ABI2: variants seen among roughly 807,000 people sequenced by gnomAD.
ABI2 encodes abelson interactor 2.
ABI2 carries 25 observed loss-of-function variants against 59.2 expected under a neutral mutation model. That is an observed-to-expected ratio of 0.42 (90% confidence interval 0.31 to 0.59). ABI2 has a LOEUF of 0.59. Among genes scored for constraint, ABI2 ranks in the 20% least tolerant of loss-of-function variants. The pLI, the probability that ABI2 is intolerant of heterozygous loss-of-function variation, is 0.14. For synonymous variants in ABI2, 213 were observed against 235.5 expected (o/e 0.90, Z 0.87); for missense variants, 545 against 681.8 (o/e 0.80, Z 2.23).
Position 203,328,586 on chromosome 2 carries a change from A to G in ABI2, c.72A>G (p.Thr24=). The change falls in exon 1 of 12, where the codon ACA becomes ACG. Residue 24 remains threonine (T), a synonymous_variant. Coordinates refer to ENST00000261018, the MANE Select transcript of ABI2 (RefSeq NM_001375670.1). ...GGRRALFDSY[T]NLERVADYCE... is the part of the protein sequence containing the mutation. ...GCCGGGCCCTCTTCGACAGCTACAC[A>G]AATCTGGAACGGGTGGCCGATTACT... The G allele has an allele frequency of 6.2e-7, 1 of 1,604,788 alleles. No individual in the cohort carries two copies. The highest frequency in any genetic ancestry group is 8.5e-7 in the Non-Finnish European group (1 of 1,175,882).
intron 1 of ABI2, among the ~76,000 whole-genome samples, chr2:203,366,021 TC>T (rs1299210547): frequency 1.3e-5 from 2 of 152,236 alleles, no homozygotes; most frequent in African/African-American, 2.4e-5. Flanking sequence ...TGTGTTTTTT[TC>T]CATATTGGTT....
intron 10 of ABI2, among the ~76,000 whole-genome samples, chr2:203,415,776 T>C (rs1392262379): frequency 6.6e-6 from 1 of 152,206 alleles, no homozygotes; most frequent in Non-Finnish European, 1.5e-5. Flanking sequence ...GGGGAGCTGA[T>C]AAACAGGTTT....
At position 203,338,551 on chromosome 2, in the gene ABI2, C is replaced by T. The variant is rs768575007; in HGVS notation, c.117+9920C>T. 7.6e-4 allele frequency among the ~76,000 whole-genome samples: 116 copies of T among 152,156 alleles called. 2 individuals are homozygous for T. The highest frequency in any genetic ancestry group is 7.4e-4 in the Non-Finnish European group (50 of 68,002). On this transcript the variant is annotated intron_variant, in intron 1 of 11. Coordinates refer to ENST00000261018, the MANE Select transcript of ABI2 (RefSeq NM_001375670.1). ...TGGCTCCACTTCTGCCATGATTACA[C>T]CTCACCAGAAGTACGTGCCAGCACT...
intron 1 of ABI2, among the ~76,000 whole-genome samples, chr2:203,353,756 C>A (rs1204051561): frequency 1.3e-5 from 2 of 152,180 alleles, no homozygotes; most frequent in South Asian, 4.1e-4. Flanking sequence ...CCTTGGCGTT[C>A]CAAAGTGTTG....
intron 6 of ABI2, among the ~76,000 whole-genome samples, chr2:203,395,441 A>ATG (rs1324716944): frequency 1.0e-5 from 1 of 97,648 alleles, no homozygotes; most frequent in East Asian, 2.8e-4. Flanking sequence ...AAATATATAT[A>ATG]TATATATACA....
At chr2:203,384,315 T>G (rs1407157803) in intron 4 of ABI2, among the ~76,000 whole-genome samples, 11 of 147,146 alleles carry the variant, frequency 7.5e-5, no homozygotes, top group African/African-American at 1.0e-4. Context: ...TTTTTTTTTT[T>G]TTTTTTTTTG....
At chr2:203,340,876 C>T (rs2079458634) in intron 1 of ABI2, among the ~76,000 whole-genome samples, 1 of 152,120 alleles carries the variant, frequency 6.6e-6, no homozygotes, top group South Asian at 2.1e-4. Context: ...CTGCAAGCCA[C>T]AAACAATCAG....
At chr2:203,341,025 C>G (rs1165653635) in intron 1 of ABI2, among the ~76,000 whole-genome samples, 2 of 152,142 alleles carry the variant, frequency 1.3e-5, no homozygotes, top group East Asian at 3.9e-4. Context: ...ATTTGTTATG[C>G]CCTCTGCCAG....
At chr2:203,345,062 C>A (rs997487076) in intron 1 of ABI2, among the ~76,000 whole-genome samples, 2 of 152,164 alleles carry the variant, frequency 1.3e-5, no homozygotes, top group Non-Finnish European at 2.9e-5. Flanking sequence ...CCGCCGGGGT[C>A]CTCTTCCATG....
chr2:203,332,411 G>C (rs1169540535), intron 1 of ABI2, among the ~76,000 whole-genome samples: 2 of 152,058 alleles, frequency 1.3e-5, no homozygotes, highest in African/African-American at 4.8e-5. Flanking sequence ...CACATCACGA[G>C]ATCAGGAGAT....
At chr2:203,382,525 C>G (rs1283446073) in intron 4 of ABI2, among the ~76,000 whole-genome samples, 1 of 152,096 alleles carries the variant, frequency 6.6e-6, no homozygotes, top group Non-Finnish European at 1.5e-5. Context: ...GTAAGCTACC[C>G]TATCATAAAA....
At chr2:203,363,190 ATATATT>A (rs2093780711) in intron 1 of ABI2, among the ~76,000 whole-genome samples, 1 of 152,092 alleles carries the variant, frequency 6.6e-6, no homozygotes, top group Non-Finnish European at 1.5e-5. Context: ...GAGTAGGTGT[ATATATT>A]TATGGGTTAC....
rs529147930 is a variant in ABI2 at position 203,423,413 on chromosome 2, G to A, written c.1454-3764G>A. On this transcript the variant is annotated intron_variant, in intron 11 of 11. Coordinates refer to ENST00000261018, the MANE Select transcript of ABI2 (RefSeq NM_001375670.1). Reference sequence around the variant, plus strand: ...TTTGTTTCAATTTACTATTTTAGGAGAGAAAAAATCATCTGGGTCCTTTTT... The same window carrying A: ...TTTGTTTCAATTTACTATTTTAGGAAAGAAAAAATCATCTGGGTCCTTTTT... 4.6e-5 allele frequency among the ~76,000 whole-genome samples: 7 copies of A among 152,206 alleles called. No homozygotes were observed. In the East Asian group the frequency reaches 1.4e-3, roughly 29 times the overall value.
intron 1 of ABI2, among the ~76,000 whole-genome samples, chr2:203,333,939 C>A (rs1392316731): frequency 6.7e-6 from 1 of 149,426 alleles, no homozygotes; most frequent in Non-Finnish European, 1.5e-5. Flanking sequence ...TTTCTTTTTT[C>A]TTTCTTTTTT....
chr2:203,343,068 C>A (rs1436842901), intron 1 of ABI2, among the ~76,000 whole-genome samples: 1 of 152,164 alleles, frequency 6.6e-6, no homozygotes, highest in East Asian at 1.9e-4. Context: ...TAGAGGATTA[C>A]AGCCTGCAGA....
intron 6 of ABI2, 98 bp downstream of exon 6, chr2:203,394,944 T>C: frequency 7.5e-7 from 1 of 1,338,596 alleles, no homozygotes; most frequent in Non-Finnish European, 1.1e-6. Flanking sequence ...CACTAAGTTC[T>C]TTTCCTCACT....
chr2:203,349,133 G>C (rs1055793793), intron 1 of ABI2, among the ~76,000 whole-genome samples: 6 of 151,504 alleles, frequency 4.0e-5, no homozygotes, highest in African/African-American at 1.5e-4. Context: ...TTAGAGGTGG[G>C]CTTTTGCCTT....
At chr2:203,388,664 G>C (rs2096626289) in intron 4 of ABI2, among the ~76,000 whole-genome samples, 1 of 152,112 alleles carries the variant, frequency 6.6e-6, no homozygotes. Context: ...CTGGGTGACA[G>C]AGCGAGACTC....
At chr2:203,340,391 G>A (rs915234732) in intron 1 of ABI2, among the ~76,000 whole-genome samples, 3 of 150,958 alleles carry the variant, frequency 2.0e-5, no homozygotes, top group Non-Finnish European at 4.4e-5. Flanking sequence ...TTTTGAGACA[G>A]CGTCTTGTTC....
Sources: allele counts gnomAD v4.1 joint callset (sites outside exome capture counted in the v4.1 genomes callset), GRCh38; gene constraint gnomAD v4.1.1; transcripts MANE v1.5; gene names NCBI Gene and HGNC (gene_info 2026-07-23, HGNC 2026-07-21).